The following UTRN variants were observed in gnomAD, a reference collection of about 807,000 sequenced individuals.
UTRN encodes dystrophin-related protein 1.
In UTRN, 283 loss-of-function variants were observed where a neutral mutation model predicts 463.9. The observed-to-expected ratio is 0.61, with a 90% CI of 0.55 to 0.67. UTRN has a LOEUF of 0.67. UTRN is among the 30% of genes least tolerant of loss of function. UTRN has a pLI of 0.00. For synonymous variants in UTRN, 1,442 were observed against 1,431.5 expected, an observed-to-expected ratio of 1.01 and a Z score of -0.17; for missense variants, 3,922 against 4,084.3, an observed-to-expected ratio of 0.96 and a Z score of 1.08.
intron 65 of UTRN, among the ~76,000 whole-genome samples, chr6:144,809,084 A>AT (rs1778388903): frequency 6.6e-6 from 1 of 152,156 alleles, no homozygotes; most frequent in African/African-American, 2.4e-5. Context: ...GAACCTTTAG[A>AT]TTGTTTTTCA....
At chr6:144,387,866 A>G (rs576442182) in intron 2 of UTRN, among the ~76,000 whole-genome samples, 21 of 152,308 alleles carry the variant, frequency 1.4e-4, no homozygotes, top group Admixed American at 7.2e-4. Flanking sequence ...ATGTAAATAC[A>G]GATATGCAGA....
intron 2 of UTRN, among the ~76,000 whole-genome samples, chr6:144,354,251 AGAG>A (rs1361891918): frequency 2.0e-5 from 3 of 152,218 alleles, no homozygotes; most frequent in African/African-American, 7.2e-5. Context: ...GGCTGATTGC[AGAG>A]GAGATGAAAA....
Position 144,691,686 on chromosome 6 carries a change from ACTCT to A in UTRN, c.7653-8396_7653-8393del, listed in dbSNP as rs568796452. 9.8e-4 allele frequency among the ~76,000 whole-genome samples: 149 copies of A among 151,922 alleles called. 1 individual carries two copies. Among genetic ancestry groups the A allele is most frequent in the African/African-American group, 3.2e-3 (133 of 41,408 alleles). ...CAGTCTCTGACATTCCAATGTCCAT[ACTCT>A]CTCTATCCCTTGTCTTTAATCTTGG... On this transcript the variant is annotated intron_variant, in intron 52 of 74. Transcript: ENST00000367545.
intron 51 of UTRN, among the ~76,000 whole-genome samples, chr6:144,588,749 A>C (rs761058077): frequency 6.6e-6 from 1 of 152,144 alleles, no homozygotes; most frequent in Non-Finnish European, 1.5e-5. Context: ...CCTTCCTCTT[A>C]CTCTTAACTG....
intron 52 of UTRN, among the ~76,000 whole-genome samples, chr6:144,690,991 T>G (rs1468515683): frequency 1.3e-5 from 2 of 152,244 alleles, no homozygotes; most frequent in East Asian, 3.8e-4. Context: ...GTTCACAGTA[T>G]GAATCTTTAC....
chr6:144,743,158 A>G (rs1347515780), intron 54 of UTRN, among the ~76,000 whole-genome samples: 1 of 152,248 alleles, frequency 6.6e-6, no homozygotes, highest in Admixed American at 6.5e-5. Context: ...CTGAGGACAT[A>G]CCAATCTCTA....
At chr6:144,710,600 A>G (rs757384504) in intron 53 of UTRN, among the ~76,000 whole-genome samples, 2 of 152,242 alleles carry the variant, frequency 1.3e-5, no homozygotes, top group Admixed American at 6.5e-5. Context: ...CAACATCAAT[A>G]ATAAATACTT....
At chr6:144,700,458 C>T (rs144452798) in intron 53 of UTRN, among the ~76,000 whole-genome samples, 1 of 151,946 alleles carries the variant, frequency 6.6e-6, no homozygotes, top group Non-Finnish European at 1.5e-5. Context: ...TCAAACACTA[C>T]CAGTATCTGA....
At chr6:144,374,535 G>T (rs1446290718) in intron 2 of UTRN, among the ~76,000 whole-genome samples, 4 of 151,544 alleles carry the variant, frequency 2.6e-5, no homozygotes, top group African/African-American at 9.7e-5. Flanking sequence ...CCAGGCTGGA[G>T]TGCAGTGGCG....
chr6:144,509,183 G>A (rs1399456409), intron 34 of UTRN, among the ~76,000 whole-genome samples: 1 of 151,778 alleles, frequency 6.6e-6, no homozygotes, highest in Admixed American at 6.6e-5. Flanking sequence ...TCTCATTTTT[G>A]TCCTAAATTC....
At chr6:144,847,116 C>G (rs1782087332) in intron 74 of UTRN, among the ~76,000 whole-genome samples, 1 of 152,116 alleles carries the variant, frequency 6.6e-6, no homozygotes, top group South Asian at 2.1e-4. Flanking sequence ...TTGACCACCA[C>G]TGCTCTCTCA....
At chr6:144,682,157 C>T (rs1173053847) in intron 52 of UTRN, among the ~76,000 whole-genome samples, 2 of 152,082 alleles carry the variant, frequency 1.3e-5, no homozygotes, top group Non-Finnish European at 2.9e-5. Context: ...CACCAACTAC[C>T]CTTCCCAGCC....
In UTRN at chr6:144,638,921, A is replaced by T. The variant is rs528243797; in HGVS notation, c.7480-39485A>T. Among the ~76,000 whole-genome samples the T allele has an allele frequency of 8.2e-4, 124 of 152,082 alleles. 1 individual carries two copies. The highest frequency in any genetic ancestry group is 4.6e-3 in the South Asian group (22 of 4,816). ...GACCCCGATCTCTAAGAAATTTTTTAAAAAAAGTTAGTCAGGAATGGCTCA... is the reference window on the plus strand; with the variant it reads ...GACCCCGATCTCTAAGAAATTTTTTTAAAAAAGTTAGTCAGGAATGGCTCA... On this transcript the variant is annotated intron_variant, in intron 51 of 74. Transcript: ENST00000367545.
At position 144,415,239 on chromosome 6, in the gene UTRN, A is replaced by G. The variant is rs565903777; in HGVS notation, c.142-6639A>G. 2.1e-4 allele frequency among the ~76,000 whole-genome samples: 32 copies of G among 152,288 alleles called. No individual in the cohort carries two copies. In the South Asian group the frequency reaches 6.2e-3, roughly 30 times the overall value. Reference sequence around the variant, plus strand: ...TGTTTGCACAATGATGAAATCACCTAAGGATGCATTTCTCTGAATGTATCC... The same window carrying G: ...TGTTTGCACAATGATGAAATCACCTGAGGATGCATTTCTCTGAATGTATCC... On this transcript the variant is annotated intron_variant, in intron 3 of 74. Coordinates refer to ENST00000367545, the MANE Select transcript of UTRN (RefSeq NM_007124.3).
Position 144,504,723 on chromosome 6 carries a change from T to G in UTRN, c.4764+5296T>G, listed in dbSNP as rs544420622. ...GGGATATTGGCCTGAAATTTTCTTT[T>G]TTTTGTTTTGTCTCTGCCAGGTTTT... On this transcript the variant is annotated intron_variant, in intron 34 of 74. Coordinates refer to ENST00000367545, the MANE Select transcript of UTRN (RefSeq NM_007124.3). Among the ~76,000 whole-genome samples, 5 of 152,310 alleles carry G rather than the reference T, an allele frequency of 3.3e-5. 1 individual carries two copies. The highest frequency in any genetic ancestry group is 1.2e-4 in the African/African-American group (5 of 41,572).
chr6:144,380,692 G>A (rs1472437657), intron 2 of UTRN, among the ~76,000 whole-genome samples: 1 of 152,164 alleles, frequency 6.6e-6, no homozygotes, highest in African/African-American at 2.4e-5. Context: ...GCTCATGCCT[G>A]TAGTCTGAAC....
At chr6:144,432,183 G>T (rs1785917621) in intron 9 of UTRN, among the ~76,000 whole-genome samples, 1 of 152,038 alleles carries the variant, frequency 6.6e-6, no homozygotes, top group Non-Finnish European at 1.5e-5. Context: ...CTGCTACTCT[G>T]CCCTGCAGTT....
chr6:144,830,741 C>T (rs200944801), intron 69 of UTRN, among the ~76,000 whole-genome samples: 15 of 126,306 alleles, frequency 1.2e-4, no homozygotes, highest in Non-Finnish European at 2.5e-4. Flanking sequence ...TTTTTTTTTG[C>T]TTTTTTAGCT....
intron 51 of UTRN, among the ~76,000 whole-genome samples, chr6:144,589,927 C>T (rs1407051131): frequency 1.3e-5 from 2 of 151,844 alleles, no homozygotes; most frequent in Non-Finnish European, 2.9e-5. Context: ...TCATGGCTCA[C>T]TGCAGCCTTG....
Sources: gnomAD v4.1 joint callset for allele counts (sites outside exome capture counted in the v4.1 genomes callset) on GRCh38, gnomAD v4.1.1 for gene constraint, MANE v1.5 for transcripts, NCBI Gene and HGNC (gene_info 2026-07-23, HGNC 2026-07-21) for gene names.